Variants in RTEL1 observed in about 807,000 individuals in gnomAD.
RTEL1 encodes regulator of telomere length.
In RTEL1, 86 loss-of-function variants were observed where a neutral mutation model predicts 162.2. The observed-to-expected ratio is 0.53, with a 90% confidence interval of 0.45 to 0.63. The LOEUF (loss-of-function observed/expected upper bound fraction) is 0.63. RTEL1 is among the 30% of genes least tolerant of loss of function. RTEL1 has a pLI of 0.00. For synonymous variants in RTEL1, 958 were observed against 717.9 expected (o/e 1.33, Z -5.35); for missense variants, 1,941 against 1,750.2 (o/e 1.11, Z -1.95).
rs779873400 is a variant in RTEL1 at position 63,695,837 on chromosome 20, C to T, written c.3882C>T (p.Val1294=). 3.1e-6 allele frequency: 5 copies of T among 1,596,418 alleles called. No homozygotes were observed. In the South Asian group the frequency reaches 3.4e-5, roughly 11 times the overall value. Residue 1294 remains valine, a synonymous_variant, in exon 35 of 35, where the codon GTC becomes GTT. Coordinates refer to ENST00000360203, the MANE Select transcript of RTEL1 (RefSeq NM_001283009.2). ...CCAGGAAGCAGAGCGTCATGCAGGT[C>T]TTCTGGCCAGAGCCCCAGTGAGTGC... ...TASRKQSVMQ[V]FWPEPQ
In RTEL1 at chr20:63,690,456, C is replaced by T. The variant is rs376389450; in HGVS notation, c.2413+15C>T. The stretch of plus-strand genomic sequence containing the variant: ...GAGGTCCTCAGGTGCGGACGGGCAG[C>T]GCTGGGTGGGCGGTGTGGGGGTGGC... On this transcript the variant is annotated intron_variant, in intron 26 of 34. Coordinates refer to ENST00000360203, the MANE Select transcript of RTEL1 (RefSeq NM_001283009.2). 157 of 1,178,678 alleles carry T rather than the reference C, an allele frequency of 1.3e-4. 1 individual carries two copies. In the African/African-American group the frequency reaches 1.4e-3, roughly 11 times the overall value. 73.0% of individuals were successfully genotyped at this position (1,178,678 alleles called of 1,614,324 possible).
At chr20:63,686,258 C>T (rs1399878752) in intron 16 of RTEL1, 1 of 295,022 alleles carries the variant, frequency 3.4e-6, no homozygotes, top group East Asian at 9.0e-5. Flanking sequence ...AGGGTCACAT[C>T]TGAAGGGGGC....
chr20:63,687,384 G>A, intron 16 of RTEL1: 2 of 496,930 alleles, frequency 4.0e-6, no homozygotes, highest in South Asian at 3.2e-5. Context: ...CTCTCTGCAG[G>A]TGTCCCCAGC....
At chr20:63,660,477 C>T (rs2738778) in intron 2 of RTEL1, among the ~76,000 whole-genome samples, 26,897 of 152,228 alleles carry the variant, frequency 0.18, 3,050 homozygotes, top group East Asian at 0.44. Context: ...TAACAAGGCA[C>T]GTTCTGCACA....
At chr20:63,691,687 A>T in intron 27 of RTEL1, 55 bp from the exon 28 acceptor site, 1 of 1,497,474 alleles carries the variant, frequency 6.7e-7, no homozygotes, top group Non-Finnish European at 9.2e-7. Flanking sequence ...GTGCTTTGGG[A>T]CCCCAGAGTG....
At chr20:63,688,448 A>G in intron 20 of RTEL1, 62 bp downstream of exon 20, 1 of 1,602,404 alleles carries the variant, frequency 6.2e-7, no homozygotes, top group East Asian at 2.2e-5. Flanking sequence ...TGAAGCAGGC[A>G]GTGGTCACAG....
chr20:63,674,673 C>G (rs2146200161), intron 10 of RTEL1, among the ~76,000 whole-genome samples: 1 of 151,450 alleles, frequency 6.6e-6, no homozygotes. Context: ...GCACTCCAGC[C>G]TGGGCGGCAG....
chr20:63,689,552 C>T lies in RTEL1; in HGVS notation c.1929C>T (p.Val643=), dbSNP rs1430582760. ...ACACGAATGGCCGTGGTGTGATTGT[C>T]ACGGGCCTCCCGTACCCCCCACGCA... is the stretch of plus-strand genomic sequence containing the variant. The part of the protein sequence containing the change: ...FSDTNGRGVI[V]TGLPYPPRMD... The change falls in exon 23 of 35, where the codon GTC becomes GTT. Residue 643 remains valine, a synonymous_variant. Coordinates refer to ENST00000360203, the MANE Select transcript of RTEL1 (RefSeq NM_001283009.2). 1 of 1,611,398 alleles carries T rather than the reference C, an allele frequency of 6.2e-7. No individual in the cohort carries two copies. The highest frequency in any genetic ancestry group is 8.5e-7 in the Non-Finnish European group (1 of 1,179,494).
intron 4 of RTEL1, 182 bp from the exon 5 acceptor site, chr20:63,662,360 TCCTC>T (rs1182325720): frequency 8.3e-7 from 1 of 1,200,304 alleles, no homozygotes; most frequent in East Asian, 2.5e-5. Flanking sequence ...CTGTCGAATC[TCCTC>T]CCTCTGTCCA....
intron 7 of RTEL1, among the ~76,000 whole-genome samples, chr20:63,666,439 T>C (rs534754009): frequency 1.3e-5 from 2 of 152,366 alleles, no homozygotes; most frequent in South Asian, 2.1e-4. Flanking sequence ...AGCTCGGCCT[T>C]GTTCTTTTGA....
chr20:63,693,481 C>G (rs1216566094), intron 30 of RTEL1, among the ~76,000 whole-genome samples, 198 bp downstream of exon 30: 5 of 54,210 alleles, frequency 9.2e-5, no homozygotes, highest in African/African-American at 3.7e-4. Context: ...ACCTCCACCT[C>G]CACCACCACC....
rs1430436349 is a variant in RTEL1 at position 63,668,416 on chromosome 20, G to T, written c.699+863G>T. Among the ~76,000 whole-genome samples the T allele has an allele frequency of 1.3e-5, 2 of 152,214 alleles. No individual in the cohort carries two copies. Among genetic ancestry groups the T allele is most frequent in the Non-Finnish European group, 2.9e-5 (2 of 68,040 alleles). On this transcript the variant is annotated intron_variant, in intron 8 of 34. Coordinates refer to ENST00000360203, the MANE Select transcript of RTEL1 (RefSeq NM_001283009.2). This position sits in a 1 kb window ranked among gnomAD's most constrained non-coding sequence, Gnocchi z 4.3. The stretch of plus-strand genomic sequence containing the variant: ...TCACTCACATGGAGCTTTGATTCTA[G>T]TGGTGGGGACAGGTGGACAGCAAAA...
At chr20:63,682,746 C>A (rs2090504680) in intron 14 of RTEL1, 6 of 948,858 alleles carry the variant, frequency 6.3e-6, no homozygotes, top group Middle Eastern at 5.3e-4. Flanking sequence ...GGGCCAGTGG[C>A]CCCAGGAAGA....
intron 14 of RTEL1, among the ~76,000 whole-genome samples, chr20:63,684,692 C>T (rs911680166): frequency 3.3e-5 from 5 of 152,088 alleles, no homozygotes; most frequent in Non-Finnish European, 7.4e-5. Flanking sequence ...AGGCTGGTCT[C>T]GAACTCCTGA....
At position 63,695,483 on chromosome 20, in the gene RTEL1, G is replaced by A; in HGVS notation, c.3655G>A (p.Glu1219Lys). ...CGGGCCTGCAGCATCTGAGTGGGGT[G>A]AGCCTCATGGGAGAGACATCGCTGG... ...PHGPAASEWG[E>K]PHGRDIAGQQ... is the part of the protein sequence containing the mutation. Residue 1219 changes from glutamate to lysine, a missense_variant, in exon 34 of 35, where the codon GAG becomes AAG. Physicochemically the swap from Glu to Lys is moderately conservative, Grantham distance 56. Transcript: ENST00000360203. 6.2e-7 allele frequency: 1 copy of A among 1,608,206 alleles called. No individual in the cohort carries two copies. The highest frequency in any genetic ancestry group is 8.5e-7 in the Non-Finnish European group (1 of 1,177,490).
At position 63,676,312 on chromosome 20, in the gene RTEL1, C is replaced by T. The variant is rs971666098; in HGVS notation, c.920-1833C>T. On this transcript the variant is annotated intron_variant, in intron 10 of 34. Transcript: ENST00000360203. ...GCCCAGGCCGTTTACCCTGCAGAGT[C>T]GGAATCTGTACAGGAGGGGCAGCCA... is the stretch of plus-strand genomic sequence containing the variant. Among the ~76,000 whole-genome samples the T allele has an allele frequency of 3.9e-4, 59 of 152,220 alleles. 1 individual carries two copies. Among genetic ancestry groups the T allele is most frequent in the Admixed American group, 1.1e-3 (17 of 15,286 alleles).
chr20:63,693,828 C>T (rs1004620797), intron 30 of RTEL1, among the ~76,000 whole-genome samples: 4 of 142,628 alleles, frequency 2.8e-5, no homozygotes, highest in African/African-American at 1.1e-4. Context: ...CTGTCCCTGC[C>T]ATAGCCCCGA....
At position 63,692,426 on chromosome 20, in the gene RTEL1, T is replaced by G. The variant is rs2090770535; in HGVS notation, c.2653-379T>G. ...TGTGTAGAGAGATGGGCACTGCTCATCCGGAAGCCCCTCCTTGTGCGCTGC... is the reference window on the plus strand; with the variant it reads ...TGTGTAGAGAGATGGGCACTGCTCAGCCGGAAGCCCCTCCTTGTGCGCTGC... On this transcript the variant is annotated intron_variant, in intron 28 of 34. Coordinates refer to ENST00000360203, the MANE Select transcript of RTEL1 (RefSeq NM_001283009.2). The G allele has an allele frequency of 9.3e-6, 3 of 322,466 alleles. No individual in the cohort carries two copies. In the Admixed American group the frequency reaches 1.3e-4, roughly 14 times the overall value. The allele number at this position is 322,466 out of a possible 1,614,324, so 20.0% of individuals were successfully genotyped here. A position where few individuals can be genotyped will look rare whatever the true frequency, so the allele number is the denominator to read the frequency against.
In RTEL1 at chr20:63,661,459, C is replaced by T. The variant is rs1303682681; in HGVS notation, c.264C>T (p.Ser88=). Residue 88 remains serine, a synonymous_variant, in exon 3 of 35, where the codon TCC becomes TCT. Coordinates refer to ENST00000360203, the MANE Select transcript of RTEL1 (RefSeq NM_001283009.2). The surrounding 1 kb of genome is among the most constrained non-coding windows in gnomAD (Gnocchi z 5.1). ...TTTTCCCGGATCGGGCCTTGTCATCCTGGGGCAACGCTGCTGCTGCTGCTG... is the reference window on the plus strand; with the variant it reads ...TTTTCCCGGATCGGGCCTTGTCATCTTGGGGCAACGCTGCTGCTGCTGCTG... ...GELFPDRALS[S]WGNAAAAAGD... 8 of 1,613,106 alleles carry T rather than the reference C, an allele frequency of 5.0e-6. No homozygotes were observed. Among genetic ancestry groups the T allele is most frequent in the Non-Finnish European group, 6.8e-6 (8 of 1,180,008 alleles).
Sources: allele counts gnomAD v4.1 joint callset (sites outside exome capture counted in the v4.1 genomes callset), GRCh38; gene constraint gnomAD v4.1.1; non-coding constraint Gnocchi (gnomAD v3.1); transcripts MANE v1.5; gene names NCBI Gene and HGNC (gene_info 2026-07-23, HGNC 2026-07-21).